NELL1: variants seen among roughly 807,000 people sequenced by gnomAD.
NELL1 encodes neural EGFL like 1.
A neutral mutation model predicts 107.4 loss-of-function variants in NELL1; 76 were observed. That is an observed-to-expected ratio of 0.71 (90% CI 0.59 to 0.86). The LOEUF is 0.86. Among genes scored for constraint, NELL1 ranks in the 40% least tolerant of loss-of-function variants. NELL1 has a pLI of 0.00. For missense variants in NELL1, 1,024 were observed against 1,005.5 expected (o/e 1.02, Z -0.25); for synonymous variants, 353 against 341.2 (o/e 1.03, Z -0.38).
intron 2 of NELL1, among the ~76,000 whole-genome samples, chr11:20,749,918 T>C (rs748662294): frequency 2.6e-5 from 4 of 152,202 alleles, no homozygotes; most frequent in Admixed American, 6.5e-5. Flanking sequence ...TATTGTCAGC[T>C]AGTTTTCCAT....
chr11:20,750,367 G>T (rs1029169828), intron 2 of NELL1, among the ~76,000 whole-genome samples: 57 of 151,844 alleles, frequency 3.8e-4, no homozygotes, highest in African/African-American at 1.3e-3. Context: ...ACAGTCTCTG[G>T]CTTATCTATT....
At chr11:21,222,758 A>G (rs760691386) in intron 13 of NELL1, among the ~76,000 whole-genome samples, 5 of 152,020 alleles carry the variant, frequency 3.3e-5, no homozygotes, top group Non-Finnish European at 7.4e-5. Flanking sequence ...AAGAATTTTT[A>G]TGATTTCCAT....
chr11:21,295,147 C>T (rs964870503), intron 14 of NELL1, among the ~76,000 whole-genome samples: 1 of 152,046 alleles, frequency 6.6e-6, no homozygotes, highest in African/African-American at 2.4e-5. Context: ...TTCTCACATT[C>T]ACCCATTATG....
chr11:20,928,476 C>CGACGTAAGT lies in NELL1; in HGVS notation c.995_997+6dup, dbSNP rs780793162. ...TGCTGGCCAGTGCTGTAAGGTCTGC[C>CGACGTAAGT]GACGTAAGTACTGACTGAGGGTCAG... On this transcript the variant is annotated stop_gained and inframe_insertion, in exon 9 of 20. Coordinates refer to ENST00000357134, the MANE Select transcript of NELL1 (RefSeq NM_006157.5). LOFTEE classifies it high-confidence loss of function. 1.9e-6 allele frequency: 3 copies of CGACGTAAGT among 1,612,398 alleles called. No individual in the cohort carries two copies. Among genetic ancestry groups the CGACGTAAGT allele is most frequent in the Middle Eastern group, 1.7e-4 (1 of 6,056 alleles).
In NELL1 at chr11:21,468,841, G is replaced by A. The variant is rs1854099806; in HGVS notation, c.1646-65533G>A. Among the ~76,000 whole-genome samples the A allele has an allele frequency of 2.0e-5, 3 of 152,042 alleles. No individual in the cohort carries two copies. In the South Asian group the frequency reaches 6.2e-4, roughly 31 times the overall value. On this transcript the variant is annotated intron_variant, in intron 15 of 19. Transcript: ENST00000357134. ...CCTTTCATCTGAAAGCAGGTTTGCA[G>A]AACACAGTAGACAGGCCACACTTAA...
chr11:21,308,516 A>C (rs1306323226), intron 14 of NELL1, among the ~76,000 whole-genome samples: 1 of 152,076 alleles, frequency 6.6e-6, no homozygotes, highest in Non-Finnish European at 1.5e-5. Context: ...TATAAGGAAT[A>C]ATCAATAAGT....
intron 12 of NELL1, among the ~76,000 whole-genome samples, chr11:21,028,211 TTTTAA>T (rs1291680835): frequency 2.0e-5 from 3 of 152,160 alleles, no homozygotes; most frequent in African/African-American, 7.2e-5. Flanking sequence ...TCCTTGGATA[TTTTAA>T]TTTAATTAGT....
chr11:20,969,032 TCTC>T (rs1195177314), intron 12 of NELL1, among the ~76,000 whole-genome samples: 1 of 152,120 alleles, frequency 6.6e-6, no homozygotes, highest in East Asian at 1.9e-4. Flanking sequence ...ATGAAAAAAA[TCTC>T]CTCATTAATT....
At chr11:20,929,982 GA>G (rs200854592) in intron 9 of NELL1, among the ~76,000 whole-genome samples, 4,063 of 127,922 alleles carry the variant, frequency 0.032, 80 homozygotes, top group Non-Finnish European at 0.045. Context: ...AAAAAAAAAA[GA>G]AAAAAAAAAA....
intron 13 of NELL1, among the ~76,000 whole-genome samples, chr11:21,176,524 G>A (rs1856715953): frequency 6.6e-6 from 1 of 151,790 alleles, no homozygotes; most frequent in African/African-American, 2.4e-5. Flanking sequence ...AGGCCATACT[G>A]GCAGGCTTGA....
chr11:20,855,638 C>T (rs1481773519), intron 4 of NELL1, among the ~76,000 whole-genome samples: 2 of 152,048 alleles, frequency 1.3e-5, no homozygotes, highest in Non-Finnish European at 2.9e-5. Context: ...AATATTGATG[C>T]TTGCATCTTA....
chr11:21,119,112 A>G (rs1024372185), intron 13 of NELL1, among the ~76,000 whole-genome samples: 4 of 152,100 alleles, frequency 2.6e-5, no homozygotes, highest in Admixed American at 2.6e-4. Flanking sequence ...TTCATTCACC[A>G]TCAAAAATAT....
chr11:21,367,648 G>C (rs1851258457), intron 14 of NELL1, among the ~76,000 whole-genome samples: 1 of 152,066 alleles, frequency 6.6e-6, no homozygotes, highest in African/African-American at 2.4e-5. Flanking sequence ...CATTCCATTG[G>C]CTGTGCCTTA....
intron 2 of NELL1, among the ~76,000 whole-genome samples, chr11:20,688,977 G>A (rs1269511313): frequency 6.6e-6 from 1 of 152,090 alleles, no homozygotes; most frequent in Non-Finnish European, 1.5e-5. Context: ...GGTGTGAGAT[G>A]GTATCTCTTT....
At position 21,247,563 on chromosome 11, in the gene NELL1, C is replaced by T. The variant is rs181767003; in HGVS notation, c.1549+18109C>T. Among the ~76,000 whole-genome samples, 44 of 152,254 alleles carry T rather than the reference C, an allele frequency of 2.9e-4. No individual in the cohort carries two copies. In the East Asian group the frequency reaches 3.7e-3, roughly 13 times the overall value. ...TAGAGGGTCTTCAGGGGCAATAGCA[C>T]GCATGGAGGTGTCATCTCCAATGGT... On this transcript the variant is annotated intron_variant, in intron 14 of 19. Transcript: ENST00000357134.
At chr11:21,067,568 G>A (rs1853906565) in intron 12 of NELL1, among the ~76,000 whole-genome samples, 1 of 152,162 alleles carries the variant, frequency 6.6e-6, no homozygotes, top group East Asian at 1.9e-4. Context: ...TTACAGAGAG[G>A]AAGTTCTCTT....
intron 12 of NELL1, among the ~76,000 whole-genome samples, chr11:21,101,158 G>A (rs1380664940): frequency 6.6e-6 from 1 of 152,120 alleles, no homozygotes; most frequent in African/African-American, 2.4e-5. Flanking sequence ...TCCCTACAAA[G>A]GACATGAACT....
At chr11:21,091,554 T>C (rs769198589) in intron 12 of NELL1, among the ~76,000 whole-genome samples, 1 of 152,338 alleles carries the variant, frequency 6.6e-6, no homozygotes, top group South Asian at 2.1e-4. Flanking sequence ...TATCTCACCA[T>C]GCTTCTAATT....
intron 12 of NELL1, among the ~76,000 whole-genome samples, chr11:21,091,293 A>G (rs1337298206): frequency 6.6e-6 from 1 of 152,226 alleles, no homozygotes; most frequent in East Asian, 1.9e-4. Context: ...GAATGCCTTG[A>G]GGAATTTCCA....
Sources: gnomAD v4.1 joint callset for allele counts (sites outside exome capture counted in the v4.1 genomes callset) on GRCh38, gnomAD v4.1.1 for gene constraint, MANE v1.5 for transcripts, NCBI Gene and HGNC (gene_info 2026-07-23, HGNC 2026-07-21) for gene names.